The following STAU2 variants were observed in gnomAD, a reference collection of about 807,000 sequenced individuals.
The protein encoded by STAU2 is double-stranded RNA-binding protein Staufen homolog 2.
A neutral mutation model predicts 65.9 loss-of-function variants in STAU2; 20 were observed. That is an observed-to-expected ratio of 0.30 (90% CI 0.21 to 0.44). The LOEUF is 0.44. STAU2 is among the 20% of genes least tolerant of loss of function. The pLI is 1.00. For missense variants in STAU2, 558 were observed against 683.9 expected, an observed-to-expected ratio of 0.82 and a Z score of 2.05; for synonymous variants, 232 against 233.9, an observed-to-expected ratio of 0.99 and a Z score of 0.07.
chr8:73,587,296 C>T lies in STAU2; in HGVS notation c.1162-4466G>A, dbSNP rs569523550. ...CACAAGATCTCAAAAAAAAAGTTTA[C>T]TTCCCATGTATCCTTCACAGGGAAG... is the stretch of plus-strand genomic sequence containing the variant. On this transcript the variant is annotated intron_variant, in intron 11 of 14. Coordinates refer to ENST00000524300, the MANE Select transcript of STAU2 (RefSeq NM_001164380.2). 3.1e-4 allele frequency among the ~76,000 whole-genome samples: 47 copies of T among 152,292 alleles called. No individual in the cohort carries two copies. In the South Asian group the frequency reaches 9.1e-3, roughly 30 times the overall value.
intron 12 of STAU2, among the ~76,000 whole-genome samples, chr8:73,579,812 A>G (rs1192758057): frequency 6.6e-6 from 1 of 152,252 alleles, no homozygotes; most frequent in Non-Finnish European, 1.5e-5. Context: ...AACTAGGTCC[A>G]TATTTTAAAT....
chr8:73,434,936 G>T (rs568009970), intron 13 of STAU2, among the ~76,000 whole-genome samples: 7 of 151,732 alleles, frequency 4.6e-5, no homozygotes, highest in African/African-American at 7.3e-5. Context: ...AGCATTCAAG[G>T]CCCCCATTGG....
chr8:73,663,150 G>A (rs1227117963), intron 6 of STAU2, among the ~76,000 whole-genome samples: 4 of 151,980 alleles, frequency 2.6e-5, no homozygotes, highest in South Asian at 2.1e-4. Flanking sequence ...ACATCTATTC[G>A]ACTCTGCTGT....
intron 3 of STAU2, among the ~76,000 whole-genome samples, chr8:73,729,122 CCTTT>C (rs965566778): frequency 2.6e-5 from 4 of 152,144 alleles, no homozygotes; most frequent in Admixed American, 6.6e-5. Context: ...TGATTTTGAG[CCTTT>C]CTATCAAGAA....
intron 3 of STAU2, among the ~76,000 whole-genome samples, chr8:73,712,406 C>A (rs1309244663): frequency 6.6e-6 from 1 of 151,946 alleles, no homozygotes; most frequent in Middle Eastern, 3.2e-3. Flanking sequence ...TCTCACTTTC[C>A]CACAAAGTAA....
chr8:73,563,832 G>T (rs1808405880), intron 12 of STAU2, among the ~76,000 whole-genome samples: 1 of 152,116 alleles, frequency 6.6e-6, no homozygotes, highest in African/African-American at 2.4e-5. Context: ...TAAAAAAGAA[G>T]TCTTGGGTGA....
chr8:73,614,676 T>C (rs924318419), intron 8 of STAU2, among the ~76,000 whole-genome samples: 3 of 152,184 alleles, frequency 2.0e-5, no homozygotes, highest in Non-Finnish European at 4.4e-5. Flanking sequence ...TCAGATATCC[T>C]ACATCATAAT....
chr8:73,633,611 C>A (rs1410065676), intron 6 of STAU2, among the ~76,000 whole-genome samples: 2 of 152,108 alleles, frequency 1.3e-5, no homozygotes, highest in Non-Finnish European at 2.9e-5. Flanking sequence ...TGGGCTAGAT[C>A]AGTGGTTTCA....
chr8:73,745,531 A>G (rs1366861293), intron 1 of STAU2, among the ~76,000 whole-genome samples: 3 of 152,272 alleles, frequency 2.0e-5, no homozygotes, highest in Admixed American at 6.5e-5. Context: ...CACAGGATGC[A>G]TCAGAAGCCA....
At chr8:73,512,132 C>G (rs1822441030) in intron 13 of STAU2, among the ~76,000 whole-genome samples, 1 of 152,162 alleles carries the variant, frequency 6.6e-6, no homozygotes, top group Non-Finnish European at 1.5e-5. Context: ...CTTAATGCCA[C>G]TAAGTAGAGT....
chr8:73,608,441 T>C (rs917042253), intron 9 of STAU2, among the ~76,000 whole-genome samples: 3 of 151,286 alleles, frequency 2.0e-5, no homozygotes. Context: ...AGCCCGTCTC[T>C]ACTAAAAAAA....
At chr8:73,524,759 T>C (rs1426268782) in intron 13 of STAU2, among the ~76,000 whole-genome samples, 1 of 152,186 alleles carries the variant, frequency 6.6e-6, no homozygotes, top group Non-Finnish European at 1.5e-5. Flanking sequence ...GGATTATGAA[T>C]AGAAACTTTA....
chr8:73,491,163 T>C (rs1279856005), intron 13 of STAU2, among the ~76,000 whole-genome samples: 1 of 152,008 alleles, frequency 6.6e-6, no homozygotes, highest in Non-Finnish European at 1.5e-5. Context: ...TTTGCTGTTG[T>C]CACAAATAAA....
upstream of STAU2, chr8:73,747,007 G>A (rs1256844131): frequency 3.0e-5 from 10 of 331,246 alleles, no homozygotes; most frequent in Non-Finnish European, 1.3e-5. Flanking sequence ...GCCGGCGCGC[G>A]CGCCCGGCAC....
At chr8:73,686,676 C>T (rs1029660324) in intron 5 of STAU2, among the ~76,000 whole-genome samples, 6 of 151,400 alleles carry the variant, frequency 4.0e-5, no homozygotes, top group African/African-American at 1.5e-4. Context: ...TCTCAGAAAT[C>T]ATCACGGAAG....
chr8:73,607,282 C>T (rs149496920), intron 9 of STAU2, among the ~76,000 whole-genome samples: 1 of 152,118 alleles, frequency 6.6e-6, no homozygotes, highest in African/African-American at 2.4e-5. Flanking sequence ...TGCATGAGGA[C>T]GTGATGGAAG....
intron 1 of STAU2, among the ~76,000 whole-genome samples, chr8:73,743,981 AG>A (rs1807097277): frequency 6.7e-6 from 1 of 149,972 alleles, no homozygotes; most frequent in Admixed American, 6.6e-5. Flanking sequence ...CATGTTGGCC[AG>A]GCTGGTCTCG....
At chr8:73,604,636 A>G (rs1321295150) in intron 9 of STAU2, among the ~76,000 whole-genome samples, 1 of 152,226 alleles carries the variant, frequency 6.6e-6, no homozygotes, top group Non-Finnish European at 1.5e-5. Context: ...AATGGGCAAA[A>G]GAGATAAATA....
intron 3 of STAU2, among the ~76,000 whole-genome samples, chr8:73,710,699 C>T (rs1406156130): frequency 4.6e-5 from 7 of 151,818 alleles, no homozygotes; most frequent in African/African-American, 1.7e-4. Context: ...CATTTATAGA[C>T]ACATTTAATT....
Sources: gnomAD v4.1 joint callset for allele counts (sites outside exome capture counted in the v4.1 genomes callset) on GRCh38, gnomAD v4.1.1 for gene constraint, MANE v1.5 for transcripts, NCBI Gene and HGNC (gene_info 2026-07-23, HGNC 2026-07-21) for gene names.